The following BCR variants were observed in gnomAD, a reference collection of about 807,000 sequenced individuals.
BCR encodes the protein BCR activator of RhoGEF and GTPase, also known as breakpoint cluster region protein.
Under a neutral mutation model 138.6 loss-of-function variants are expected in BCR, and 58 were observed. The ratio of observed to expected loss-of-function variants is 0.42; its 90% CI spans 0.34 to 0.52. BCR has a LOEUF of 0.52. BCR is among the 20% of genes least tolerant of loss of function. The pLI is 0.06. For synonymous variants in BCR, 786 were observed against 730.1 expected (o/e 1.08, Z -1.23); for missense variants, 1,599 against 1,727.2 (o/e 0.93, Z 1.32).
intron 9 of BCR, 125 bp from the exon 10 acceptor site, chr22:23,284,908 G>T: frequency 1.9e-6 from 2 of 1,050,510 alleles, no homozygotes; most frequent in Non-Finnish European, 2.8e-6. Flanking sequence ...TGGAACACGT[G>T]CTGGGTTTTA....
At chr22:23,275,160 T>C (rs2073561534) in intron 8 of BCR, among the ~76,000 whole-genome samples, 2 of 152,170 alleles carry the variant, frequency 1.3e-5, no homozygotes, top group African/African-American at 4.8e-5. Context: ...AGTTGACCTT[T>C]AGTGAGGGAC....
intron 1 of BCR, among the ~76,000 whole-genome samples, chr22:23,217,760 A>C (rs1324999316): frequency 6.6e-6 from 1 of 152,234 alleles, no homozygotes; most frequent in Non-Finnish European, 1.5e-5. Flanking sequence ...AAATAGTGGA[A>C]TAAATAAATA....
chr22:23,225,893 T>C (rs1352853374), intron 1 of BCR, among the ~76,000 whole-genome samples: 1 of 152,244 alleles, frequency 6.6e-6, no homozygotes, highest in Non-Finnish European at 1.5e-5. Context: ...CCTTCATTTT[T>C]GTTTTCTTCC....
chr22:23,223,013 A>T (rs980330271), intron 1 of BCR, among the ~76,000 whole-genome samples: 5 of 152,114 alleles, frequency 3.3e-5, no homozygotes, highest in Non-Finnish European at 7.3e-5. Context: ...GCTGTTTTTC[A>T]TGTGGCAGAA....
chr22:23,292,673 A>AG (rs2073801898), intron 15 of BCR, 35 bp downstream of exon 15: 1 of 1,547,866 alleles, frequency 6.5e-7, no homozygotes, highest in East Asian at 2.3e-5. Flanking sequence ...CCAGCCTGCC[A>AG]GGTGGGGCAC....
In BCR at chr22:23,288,600, C is replaced by T. The variant is rs1016065146; in HGVS notation, c.2602+428C>T. On this transcript the variant is annotated intron_variant, in intron 12 of 22. Coordinates refer to ENST00000305877, the MANE Select transcript of BCR (RefSeq NM_004327.4). ...CCCCCATTTCTCCTCATCTACTCCCCGCCCCCTGGGCCTTCCCTGCCCCAG... is the reference window on the plus strand; with the variant it reads ...CCCCCATTTCTCCTCATCTACTCCCTGCCCCCTGGGCCTTCCCTGCCCCAG... Among the ~76,000 whole-genome samples the T allele has an allele frequency of 3.3e-5, 5 of 152,170 alleles. 1 individual carries two copies. The highest frequency in any genetic ancestry group is 4.1e-4 in the South Asian group (2 of 4,832).
At chr22:23,200,352 C>T (rs4820544) in intron 1 of BCR, among the ~76,000 whole-genome samples, 130,787 of 151,760 alleles carry the variant, frequency 0.86, 56,808 homozygotes, top group East Asian at 1. Flanking sequence ...GGTCTTACTC[C>T]GCTGCCCAGG....
intron 4 of BCR, chr22:23,264,261 C>A: frequency 1.1e-6 from 1 of 937,886 alleles, no homozygotes; most frequent in East Asian, 2.4e-5. Context: ...GACGTCGACC[C>A]GCCTCGGCAG....
rs532462216 is a variant in BCR at position 23,269,407 on chromosome 22, C to T, written c.1860+892C>T. 3.9e-5 allele frequency among the ~76,000 whole-genome samples: 6 copies of T among 152,300 alleles called. No homozygotes were observed. The South Asian group carries it at 8.3e-4, about 21-fold the overall frequency. On this transcript the variant is annotated intron_variant, in intron 5 of 22. Coordinates refer to ENST00000305877, the MANE Select transcript of BCR (RefSeq NM_004327.4). ...AGCAGAAAGCCCTCCGTGTGAGAAC[C>T]GCAGGGTTAGAAAGAGGCATGGGCA... is the stretch of plus-strand genomic sequence containing the variant.
Position 23,181,916 on chromosome 22 carries a change from G to T in BCR, c.956G>T (p.Arg319Leu). 1 of 1,613,504 alleles carries T rather than the reference G, an allele frequency of 6.2e-7. No individual in the cohort carries two copies. Among genetic ancestry groups the T allele is most frequent in the Non-Finnish European group, 8.5e-7 (1 of 1,179,958 alleles). ...LTWPRRSYSP[R>L]SFEDCGGGYT... ...TGGCCCCGCAGGTCCTACTCCCCCC[G>T]GAGTTTTGAGGATTGCGGAGGCGGC... The change falls in exon 1 of 23, where the codon CGG (arginine) becomes CTG (leucine). Residue 319 changes from arginine (R) to leucine (L), a missense_variant. By Grantham distance (102) the Arg-to-Leu change is moderately radical. Around this residue, in one of 4 missense-constraint regions of BCR, gnomAD observed 806 missense variants for 635.0 expected, o/e 1.27. Transcript: ENST00000305877.
At chr22:23,258,829 A>T (rs2073324888) in intron 2 of BCR, among the ~76,000 whole-genome samples, 1 of 152,202 alleles carries the variant, frequency 6.6e-6, no homozygotes, top group African/African-American at 2.4e-5. Flanking sequence ...TTTTCCCCGA[A>T]AGTGGGAAAG....
chr22:23,304,599 G>A (rs1448154301), intron 16 of BCR, among the ~76,000 whole-genome samples: 1 of 152,172 alleles, frequency 6.6e-6, no homozygotes, highest in East Asian at 1.9e-4. Context: ...TAAACACCTA[G>A]TAAGATTGCT....
At position 23,310,133 on chromosome 22, in the gene BCR, C is replaced by T. The variant is rs879904538; in HGVS notation, c.3073-191C>T. ...TGCTTCTGCAGAAACCAGTCGTTTA[C>T]ATCATCTTCAACAATCCTGGCTCTT... is the stretch of plus-strand genomic sequence containing the variant. On this transcript the variant is annotated intron_variant, in intron 17 of 22. Coordinates refer to ENST00000305877, the MANE Select transcript of BCR (RefSeq NM_004327.4). 1.3e-3 allele frequency: 556 copies of T among 440,008 alleles called. 6 individuals carry two copies. Among genetic ancestry groups the T allele is most frequent in the South Asian group, 1.7e-3 (86 of 49,370 alleles). 27.3% of individuals were successfully genotyped at this position (440,008 alleles called of 1,614,324 possible).
intron 18 of BCR, 37 bp from the exon 19 acceptor site, chr22:23,311,660 G>C (rs772864396): frequency 6.6e-7 from 1 of 1,525,572 alleles, no homozygotes; most frequent in Non-Finnish European, 9.0e-7. Flanking sequence ...CCCAAGCAGG[G>C]CTGTTAGGAC....
At chr22:23,199,933 A>G (rs1243087572) in intron 1 of BCR, among the ~76,000 whole-genome samples, 2 of 152,034 alleles carry the variant, frequency 1.3e-5, no homozygotes, top group Non-Finnish European at 2.9e-5. Flanking sequence ...AAATACAAAA[A>G]AAAAATTAGC....
intron 14 of BCR, chr22:23,290,831 T>TC (rs1187361071): frequency 4.6e-6 from 1 of 217,604 alleles, no homozygotes; most frequent in African/African-American, 2.2e-5. Context: ...ACTTTTTTTT[T>TC]CCTTTCCCTC....
chr22:23,259,339 T>A (rs1365121594), intron 2 of BCR, among the ~76,000 whole-genome samples: 1 of 152,118 alleles, frequency 6.6e-6, no homozygotes, highest in African/African-American at 2.4e-5. Flanking sequence ...GTTCCCTCCA[T>A]TTGAGTCTGT....
In BCR at chr22:23,253,861, C is replaced by T. The variant is rs1366914624; in HGVS notation, c.1342C>T (p.Arg448Trp). 26 of 1,613,174 alleles carry T rather than the reference C, an allele frequency of 1.6e-5. No homozygotes were observed. Among genetic ancestry groups the T allele is most frequent in the Middle Eastern group, 1.6e-4 (1 of 6,062 alleles). The change falls in exon 2 of 23, where the codon CGG becomes TGG. Residue 448 changes from arginine (R) to tryptophan (W), a missense_variant. Arg to Trp is a moderately radical substitution (Grantham distance 101). This residue lies in a region of BCR where 590 missense variants were observed against 762.4 expected (regional missense o/e 0.77). Transcript: ENST00000305877. Reference sequence around the variant, plus strand: ...TGCAGACCGGGCAGAGGAGCAGCGCCGGCACCAAGATGGGCTGCCCTACAT... The same window carrying T: ...TGCAGACCGGGCAGAGGAGCAGCGCTGGCACCAAGATGGGCTGCCCTACAT... ...CAADRAEEQR[R>W]HQDGLPYIDD... is the part of the protein sequence containing the mutation.
intron 1 of BCR, among the ~76,000 whole-genome samples, chr22:23,229,895 G>A: frequency 6.6e-6 from 1 of 152,142 alleles, no homozygotes; most frequent in Non-Finnish European, 1.5e-5. Flanking sequence ...GAGTCCACGG[G>A]TCTCCACCCC....
Sources: allele counts gnomAD v4.1 joint callset (sites outside exome capture counted in the v4.1 genomes callset), GRCh38; gene constraint gnomAD v4.1.1; regional missense constraint gnomAD v4.1.1; transcripts MANE v1.5; gene names NCBI Gene and HGNC (gene_info 2026-07-23, HGNC 2026-07-21).